Variants in DTNA observed in about 807,000 individuals in gnomAD.
The protein encoded by DTNA is dystrophin-related protein 3.
Under a neutral mutation model 100.7 loss-of-function variants are expected in DTNA, and 43 were observed. The ratio of observed to expected loss-of-function variants is 0.43; its 90% CI spans 0.33 to 0.55. DTNA has a LOEUF of 0.55. Ranked by LOEUF, DTNA falls within the 20% of genes least tolerant of loss-of-function variation. DTNA has a pLI of 0.04. For synonymous variants in DTNA, 349 were observed against 347.9 expected, an observed-to-expected ratio of 1.00 and a Z score of -0.04; for missense variants, 798 against 953.9, an observed-to-expected ratio of 0.84 and a Z score of 2.15.
At chr18:34,671,058 G>T (rs1016977343) in intron 1 of DTNA, among the ~76,000 whole-genome samples, 1 of 152,160 alleles carries the variant, frequency 6.6e-6, no homozygotes, top group African/African-American at 2.4e-5. Context: ...CTTGAGCTGT[G>T]GTGGGCTCCA....
chr18:34,712,261 G>A (rs1017591284), intron 1 of DTNA, among the ~76,000 whole-genome samples: 1 of 152,090 alleles, frequency 6.6e-6, no homozygotes, highest in Non-Finnish European at 1.5e-5. Context: ...GCCGGTACTG[G>A]AAAGGGTTAA....
intron 16 of DTNA, among the ~76,000 whole-genome samples, chr18:34,858,829 G>A (rs1603268473): frequency 6.6e-6 from 1 of 151,824 alleles, no homozygotes; most frequent in East Asian, 1.9e-4. Flanking sequence ...CAGACTGGTC[G>A]CAAACTCCTG....
At chr18:34,883,479 T>C (rs2096893524) in intron 21 of DTNA, among the ~76,000 whole-genome samples, 1 of 151,922 alleles carries the variant, frequency 6.6e-6, no homozygotes, top group African/African-American at 2.4e-5. Flanking sequence ...CTGGCTAATG[T>C]TTTTATTTTT....
At chr18:34,547,293 T>C (rs781193373) in intron 1 of DTNA, among the ~76,000 whole-genome samples, 1 of 147,836 alleles carries the variant, frequency 6.8e-6, no homozygotes, top group African/African-American at 2.7e-5. Flanking sequence ...AATTATTAAA[T>C]TTCTAACTCT....
At chr18:34,883,875 C>G (rs1261407458) in intron 21 of DTNA, among the ~76,000 whole-genome samples, 1 of 152,200 alleles carries the variant, frequency 6.6e-6, no homozygotes, top group Non-Finnish European at 1.5e-5. Flanking sequence ...AAATGTTGGT[C>G]TAGCCATACC....
chr18:34,527,574 T>A (rs1045374811), intron 1 of DTNA, among the ~76,000 whole-genome samples: 1 of 152,102 alleles, frequency 6.6e-6, no homozygotes, highest in Non-Finnish European at 1.5e-5. Context: ...CCAAAATATG[T>A]TGAGATATCA....
chr18:34,636,636 A>G (rs987606436), intron 1 of DTNA, among the ~76,000 whole-genome samples: 1 of 152,178 alleles, frequency 6.6e-6, no homozygotes, highest in Non-Finnish European at 1.5e-5. Flanking sequence ...TATGATGAAG[A>G]GTGTATTGAT....
chr18:34,635,907 A>G (rs535287097), intron 1 of DTNA, among the ~76,000 whole-genome samples: 1 of 151,568 alleles, frequency 6.6e-6, no homozygotes, highest in East Asian at 1.9e-4. Context: ...CTTTTTTTTC[A>G]ATTAAAAAAA....
intron 1 of DTNA, 84 bp downstream of exon 1, chr18:34,710,529 C>T (rs973121077): frequency 1.3e-5 from 2 of 152,092 alleles, no homozygotes; most frequent in African/African-American, 2.4e-5. Flanking sequence ...TTCACTGTCG[C>T]CCCCACCCCC....
At chr18:34,645,799 G>A (rs916618377) in intron 1 of DTNA, among the ~76,000 whole-genome samples, 1 of 151,642 alleles carries the variant, frequency 6.6e-6, no homozygotes, top group Non-Finnish European at 1.5e-5. Flanking sequence ...ATTGACTTTA[G>A]AAGCTGGCTT....
intron 8 of DTNA, among the ~76,000 whole-genome samples, chr18:34,820,466 G>A (rs2095687327): frequency 6.6e-6 from 1 of 152,162 alleles, no homozygotes; most frequent in South Asian, 2.1e-4. Flanking sequence ...TCCCTTCACT[G>A]TTGCTGCTTC....
At chr18:34,822,011 T>C (rs2095736415) in intron 9 of DTNA, among the ~76,000 whole-genome samples, 1 of 152,184 alleles carries the variant, frequency 6.6e-6, no homozygotes, top group Non-Finnish European at 1.5e-5. Flanking sequence ...TTGTTTTGCT[T>C]GTTCCCGGGG....
At chr18:34,755,581 G>T (rs766145566) in intron 1 of DTNA, 4 of 239,192 alleles carry the variant, frequency 1.7e-5, no homozygotes, top group Non-Finnish European at 3.3e-5. Context: ...CAGACTCTTG[G>T]TTTCATCATC....
At chr18:34,544,740 T>TC (rs2044593296) in intron 1 of DTNA, among the ~76,000 whole-genome samples, 1 of 151,700 alleles carries the variant, frequency 6.6e-6, no homozygotes, top group Admixed American at 6.6e-5. Context: ...ACTCGCAGTG[T>TC]GTGTTTGGCT....
chr18:34,718,476 T>C (rs1312476583), intron 1 of DTNA, among the ~76,000 whole-genome samples: 1 of 152,208 alleles, frequency 6.6e-6, no homozygotes, highest in Non-Finnish European at 1.5e-5. Context: ...CTCCAGTCTT[T>C]ACCCCATTTT....
At chr18:34,586,746 C>T (rs1193531056) in intron 1 of DTNA, among the ~76,000 whole-genome samples, 1 of 152,110 alleles carries the variant, frequency 6.6e-6, no homozygotes, top group Non-Finnish European at 1.5e-5. Context: ...CCAAATTTTA[C>T]CCTCACTTCT....
intron 1 of DTNA, chr18:34,662,802 T>C (rs1372291863): frequency 6.6e-6 from 1 of 152,226 alleles, no homozygotes; most frequent in East Asian, 1.9e-4. Context: ...AACTGTGTTA[T>C]TCAACCTCAG....
At chr18:34,789,135 CA>C (rs1428399024) in intron 3 of DTNA, among the ~76,000 whole-genome samples, 5 of 152,148 alleles carry the variant, frequency 3.3e-5, no homozygotes, top group African/African-American at 1.2e-4. Context: ...TCTGTGGCTG[CA>C]AAATCTGAAT....
intron 1 of DTNA, among the ~76,000 whole-genome samples, chr18:34,538,136 T>A (rs1437929832): frequency 6.6e-6 from 1 of 152,024 alleles, no homozygotes; most frequent in Non-Finnish European, 1.5e-5. Context: ...AAATAAAAGT[T>A]GAAAACAAAG....
Sources: allele counts gnomAD v4.1 joint callset (sites outside exome capture counted in the v4.1 genomes callset), GRCh38; gene constraint gnomAD v4.1.1; transcripts MANE v1.5; gene names NCBI Gene and HGNC (gene_info 2026-07-23, HGNC 2026-07-21).